Variants in TEX48 observed in about 807,000 individuals in gnomAD.
TEX48 encodes the protein testis expressed 48.
TEX48 carries 10 observed loss-of-function variants against 13.2 expected under a neutral mutation model. That is an observed-to-expected ratio of 0.75 (90% CI 0.47 to 1.28). The LOEUF (loss-of-function observed/expected upper bound fraction) is 1.28. Among genes scored for constraint, TEX48 ranks in the 50% most tolerant of loss-of-function variants. The pLI, the probability that TEX48 is intolerant of heterozygous loss-of-function variation, is 0.00. For missense variants in TEX48, 116 were observed against 139.4 expected (o/e 0.83, Z 0.84); for synonymous variants, 45 against 52.3 (o/e 0.86, Z 0.60).
intron 1 of TEX48, among the ~76,000 whole-genome samples, chr9:114,681,286 A>G (rs1049159999): frequency 2.0e-5 from 3 of 152,162 alleles, no homozygotes; most frequent in Non-Finnish European, 4.4e-5. Flanking sequence ...ATTTTGCAAG[A>G]AAGAGGGTAG....
intron 3 of TEX48, among the ~76,000 whole-genome samples, chr9:114,669,367 C>T (rs931111617): frequency 2.0e-5 from 3 of 150,822 alleles, no homozygotes; most frequent in Admixed American, 1.3e-4. Flanking sequence ...CAGCCTCGAC[C>T]TCCTGGGCTC....
chr9:114,674,561 CTTT>C lies in TEX48; in HGVS notation c.-104-2737_-104-2735del, dbSNP rs1011210041. Among the ~76,000 whole-genome samples, 14 of 143,500 alleles carry C rather than the reference CTTT, an allele frequency of 9.8e-5. 1 individual carries two copies. The highest frequency in any genetic ancestry group is 3.5e-4 in the African/African-American group (13 of 37,354). The allele number at this position is 143,500 out of a possible 152,430, so 94.1% of individuals were successfully genotyped here. On this transcript the variant is annotated intron_variant, in intron 1 of 4. Transcript: ENST00000436752. ...TCTTCTTTCTTTCTCTCTTTTTCTT[CTTT>C]TTTTCTTTTCTTTCTTTTTTTCTCT...
At chr9:114,671,298 G>A in intron 3 of TEX48, 85 bp downstream of exon 3, 1 of 1,452,816 alleles carries the variant, frequency 6.9e-7, no homozygotes, top group Non-Finnish European at 9.2e-7. Flanking sequence ...AGTGATGAAG[G>A]CAGTTTGGGG....
intron 1 of TEX48, among the ~76,000 whole-genome samples, chr9:114,675,697 C>A (rs887165529): frequency 6.6e-6 from 1 of 152,216 alleles, no homozygotes; most frequent in Non-Finnish European, 1.5e-5. Flanking sequence ...GCCCCAACAA[C>A]CCTCTGCCCC....
intron 1 of TEX48, 75 bp downstream of exon 1, chr9:114,681,960 T>G (rs555040424): frequency 6.6e-6 from 1 of 152,146 alleles, no homozygotes; most frequent in African/African-American, 2.4e-5. Flanking sequence ...CCAGGAGTGG[T>G]GGGGACATTG....
chr9:114,674,487 T>C (rs983818192), intron 1 of TEX48, among the ~76,000 whole-genome samples: 1 of 152,188 alleles, frequency 6.6e-6, no homozygotes, highest in African/African-American at 2.4e-5. Flanking sequence ...ACCCCAGCAC[T>C]TCCTAATCTC....
At chr9:114,667,094 G>T (rs1004822868) in intron 4 of TEX48, among the ~76,000 whole-genome samples, 9 of 152,138 alleles carry the variant, frequency 5.9e-5, no homozygotes, top group African/African-American at 1.7e-4. Context: ...TCACCCCTAT[G>T]GGGGGGTGGG....
At chr9:114,666,921 T>C (rs1172000132) in intron 4 of TEX48, among the ~76,000 whole-genome samples, 175 bp from the exon 5 acceptor site, 1 of 152,230 alleles carries the variant, frequency 6.6e-6, no homozygotes, top group Non-Finnish European at 1.5e-5. Context: ...GAGGAGTTTC[T>C]TGCAGTGTAT....
At chr9:114,678,505 C>T (rs1021179666) in intron 1 of TEX48, among the ~76,000 whole-genome samples, 7 of 152,130 alleles carry the variant, frequency 4.6e-5, no homozygotes, top group African/African-American at 9.7e-5. Flanking sequence ...GGATTCTGTT[C>T]GTTACTTATT....
rs142780113 is a variant in TEX48, at chr9:114,666,833, T to C, written c.260-87A>G. On this transcript the variant is annotated intron_variant, in intron 4 of 4. Coordinates refer to ENST00000436752, the MANE Select transcript of TEX48 (RefSeq NM_001199233.2). ...TGTTTTGGTTGTTTGTATCCATTGC[T>C]GATCATTCCTCAGCTTCTTGAATCT... is the stretch of plus-strand genomic sequence containing the variant. The C allele has an allele frequency of 2.2e-4, 149 of 691,818 alleles. No individual in the cohort carries two copies. In the African/African-American group the frequency reaches 2.2e-3, roughly 10 times the overall value. The allele number at this position is 691,818 out of a possible 1,614,324, so 42.9% of individuals were successfully genotyped here.
intron 1 of TEX48, among the ~76,000 whole-genome samples, chr9:114,681,122 A>T (rs1279501639): frequency 1.3e-5 from 2 of 152,228 alleles, no homozygotes; most frequent in Non-Finnish European, 2.9e-5. Context: ...TCTCTTTTTA[A>T]TGCAAATGAT....
chr9:114,667,322 C>T (rs949894601), intron 4 of TEX48, among the ~76,000 whole-genome samples: 1 of 152,154 alleles, frequency 6.6e-6, no homozygotes, highest in Non-Finnish European at 1.5e-5. Context: ...TGTGAGACCA[C>T]CTGGGGATAG....
At chr9:114,680,617 A>C (rs1394584882) in intron 1 of TEX48, among the ~76,000 whole-genome samples, 1 of 152,214 alleles carries the variant, frequency 6.6e-6, no homozygotes, top group African/African-American at 2.4e-5. Flanking sequence ...TTTCAAGAAA[A>C]GCCAATGACA....
At position 114,674,688 on chromosome 9, in the gene TEX48, T is replaced by G. The variant is rs907113491; in HGVS notation, c.-104-2861A>C. On this transcript the variant is annotated intron_variant, in intron 1 of 4. Coordinates refer to ENST00000436752, the MANE Select transcript of TEX48 (RefSeq NM_001199233.2). The stretch of plus-strand genomic sequence containing the variant: ...TTCCTTCTTTCCTTCTCTCTTGCTC[T>G]CACTCTCTTTCTTGACAGGGTCTAG... 4.7e-5 allele frequency among the ~76,000 whole-genome samples: 7 copies of G among 148,678 alleles called. No homozygotes were observed. In the South Asian group the frequency reaches 6.6e-4, roughly 14 times the overall value.
rs185353358 is a variant in TEX48, at chr9:114,677,157, G to A, written c.-105+4878C>T. On this transcript the variant is annotated intron_variant, in intron 1 of 4. Coordinates refer to ENST00000436752, the MANE Select transcript of TEX48 (RefSeq NM_001199233.2). ...ATGTCACCATTGTGTGGATTTTTTG[G>A]TCAAAGTGGGGGCACTCACTAGGTC... Among the ~76,000 whole-genome samples the A allele has an allele frequency of 5.3e-4, 80 of 152,258 alleles. 2 individuals are homozygous for A. The East Asian group carries it at 0.013, about 25-fold the overall frequency.
chr9:114,673,239 G>A (rs1827980509), intron 1 of TEX48, among the ~76,000 whole-genome samples: 1 of 152,082 alleles, frequency 6.6e-6, no homozygotes. Context: ...TTGGGAGGCC[G>A]AGGCTGGCAG....
At chr9:114,669,551 C>T (rs1283583586) in intron 3 of TEX48, among the ~76,000 whole-genome samples, 2 of 152,074 alleles carry the variant, frequency 1.3e-5, no homozygotes, top group Non-Finnish European at 2.9e-5. Flanking sequence ...AAGCGATTCT[C>T]CTGCCTCAGC....
At chr9:114,676,489 T>C (rs1490093235) in intron 1 of TEX48, among the ~76,000 whole-genome samples, 1 of 151,950 alleles carries the variant, frequency 6.6e-6, no homozygotes, top group Non-Finnish European at 1.5e-5. Flanking sequence ...CTTTTTTTTT[T>C]CTTCATTTAT....
At chr9:114,679,112 A>G (rs1208859581) in intron 1 of TEX48, among the ~76,000 whole-genome samples, 1 of 152,030 alleles carries the variant, frequency 6.6e-6, no homozygotes, top group Non-Finnish European at 1.5e-5. Context: ...TTCAAAGGAC[A>G]TTCTGGGGCA....
Sources: gnomAD v4.1 joint callset for allele counts (sites outside exome capture counted in the v4.1 genomes callset) on GRCh38, gnomAD v4.1.1 for gene constraint, MANE v1.5 for transcripts, NCBI Gene and HGNC (gene_info 2026-07-23, HGNC 2026-07-21) for gene names.